The following PIP5K1C variants were observed in gnomAD, a reference collection of about 807,000 sequenced individuals.
The protein encoded by PIP5K1C is phosphatidylinositol 4-phosphate 5-kinase type-1 gamma.
A neutral mutation model predicts 80.1 loss-of-function variants in PIP5K1C; 45 were observed. The observed-to-expected ratio is 0.56, with a 90% CI of 0.44 to 0.72. The LOEUF (loss-of-function observed/expected upper bound fraction) is 0.72. Among genes scored for constraint, PIP5K1C ranks in the 30% least tolerant of loss-of-function variants. PIP5K1C has a pLI of 0.00. For missense variants in PIP5K1C, 753 were observed against 954.6 expected, an observed-to-expected ratio of 0.79 and a Z score of 2.78; for synonymous variants, 498 against 420.1, an observed-to-expected ratio of 1.19 and a Z score of -2.27.
At chr19:3,660,885 A>G (rs1181955276) in intron 5 of PIP5K1C, 81 bp downstream of exon 5, 4 of 1,162,956 alleles carry the variant, frequency 3.4e-6, no homozygotes, top group African/African-American at 1.5e-5. Flanking sequence ...GCTGCCCCCA[A>G]ATGCCTGACC....
At chr19:3,640,322 T>C (rs921939151) in intron 15 of PIP5K1C, among the ~76,000 whole-genome samples, 1 of 152,268 alleles carries the variant, frequency 6.6e-6, no homozygotes, top group African/African-American at 2.4e-5. Flanking sequence ...GAGACCAGCC[T>C]GGTCAACATG....
In PIP5K1C at chr19:3,643,231, T is replaced by C; in HGVS notation, c.1649+12A>G. The C allele has an allele frequency of 1.2e-6, 2 of 1,612,906 alleles. No homozygotes were observed. The highest frequency in any genetic ancestry group is 1.7e-6 in the Non-Finnish European group (2 of 1,179,784). On this transcript the variant is annotated intron_variant, in intron 13 of 17. Transcript: ENST00000335312. ...ATGCCCCGCCCACATGCACTGCGGATGCCTCGCCCACCTGTACCGCGGCTG... is the reference window on the plus strand; with the variant it reads ...ATGCCCCGCCCACATGCACTGCGGACGCCTCGCCCACCTGTACCGCGGCTG...
At position 3,638,905 on chromosome 19, in the gene PIP5K1C, C is replaced by T. The variant is rs780522460; in HGVS notation, c.1899G>A (p.Ala633=). ...TTACAAAGTAGATGTCGGTGGCGGGCGCGTCCTCCTCGTCCGAGGCCTGGC... is the reference window on the plus strand; with the variant it reads ...TTACAAAGTAGATGTCGGTGGCGGGTGCGTCCTCCTCGTCCGAGGCCTGGC... The part of the protein sequence containing the change: ...PASQASDEED[A]PATDIYFPTD... The change falls in exon 16 of 18, where the codon GCG becomes GCA. Residue 633 remains alanine, a synonymous_variant. Coordinates refer to ENST00000335312, the MANE Select transcript of PIP5K1C (RefSeq NM_012398.3). The T allele has an allele frequency of 1.4e-5, 23 of 1,612,694 alleles. No individual in the cohort carries two copies. The highest frequency in any genetic ancestry group is 4.0e-5 in the African/African-American group (3 of 74,854).
chr19:3,644,764 G>A (rs1313585005), intron 11 of PIP5K1C, among the ~76,000 whole-genome samples: 1 of 152,200 alleles, frequency 6.6e-6, no homozygotes, highest in Admixed American at 6.5e-5. Context: ...CCTTAGCGGT[G>A]GGGTGAGGTG....
rs189300269 is a variant in PIP5K1C at position 3,657,510 on chromosome 19, C to T, written c.469-953G>A. Among the ~76,000 whole-genome samples the T allele has an allele frequency of 1.3e-3, 192 of 152,292 alleles. 1 individual carries two copies. The highest frequency in any genetic ancestry group is 4.4e-3 in the African/African-American group (183 of 41,544). The stretch of plus-strand genomic sequence containing the variant: ...AGCAAGCCAGGCCCCCCAGGGTCAA[C>T]GCTGGGTCCGTATCTGCTGGACGAC... On this transcript the variant is annotated intron_variant, in intron 5 of 17. Transcript: ENST00000335312.
intron 1 of PIP5K1C, among the ~76,000 whole-genome samples, chr19:3,679,827 T>C (rs965934158): frequency 1.3e-5 from 2 of 152,236 alleles, no homozygotes; most frequent in African/African-American, 2.4e-5. Flanking sequence ...CTTGACGTGC[T>C]GCGCTGGGCA....
At chr19:3,638,663 T>C (rs2033810868) in intron 16 of PIP5K1C, among the ~76,000 whole-genome samples, 1 of 151,982 alleles carries the variant, frequency 6.6e-6, no homozygotes, top group Non-Finnish European at 1.5e-5. Flanking sequence ...TCCCACCCCA[T>C]GGGGTTAGAC....
chr19:3,647,088 G>A (rs1438167081), intron 10 of PIP5K1C, among the ~76,000 whole-genome samples: 15 of 97,254 alleles, frequency 1.5e-4, no homozygotes, highest in Admixed American at 4.3e-4. Flanking sequence ...GGGTGCAGGC[G>A]CTCACAGAGG....
chr19:3,675,804 G>C (rs966481596), intron 1 of PIP5K1C, among the ~76,000 whole-genome samples: 4 of 152,138 alleles, frequency 2.6e-5, no homozygotes, highest in Admixed American at 2.6e-4. Flanking sequence ...GCAGGGTGCC[G>C]AGCAGCATCC....
At chr19:3,643,009 C>A in intron 13 of PIP5K1C, 70 bp from the exon 14 acceptor site, 2 of 1,571,266 alleles carry the variant, frequency 1.3e-6, no homozygotes, top group African/African-American at 1.3e-5. Context: ...ACCTGCCTTG[C>A]CTACCCGCCT....
chr19:3,673,630 C>T (rs1378076301), intron 1 of PIP5K1C: 1 of 152,274 alleles, frequency 6.6e-6, no homozygotes, highest in African/African-American at 2.4e-5. Context: ...GAGGACGGCC[C>T]AGGCACGGGG....
At chr19:3,665,037 G>C in intron 2 of PIP5K1C, 123 bp from the exon 3 acceptor site, 1 of 821,190 alleles carries the variant, frequency 1.2e-6, no homozygotes, top group African/African-American at 1.7e-5. Flanking sequence ...ACAGGGCAGG[G>C]GGCAGGTCCA....
In PIP5K1C at chr19:3,630,999, G is replaced by A. The variant is rs1017939932; in HGVS notation, c.*2168C>T. 1 of 152,308 alleles carries A rather than the reference G, an allele frequency of 6.6e-6. No individual in the cohort carries two copies. The highest frequency in any genetic ancestry group is 1.5e-5 in the Non-Finnish European group (1 of 68,098). 9.4% of individuals were successfully genotyped at this position (152,308 alleles called of 1,614,324 possible). ...CCTCGGTTTACAGTTCTCTGAAAAGGAACCAAAAAACACAACCAACACCAA... is the reference window on the plus strand; with the variant it reads ...CCTCGGTTTACAGTTCTCTGAAAAGAAACCAAAAAACACAACCAACACCAA... On this transcript the variant is annotated 3_prime_UTR_variant, in exon 18 of 18. Coordinates refer to ENST00000335312, the MANE Select transcript of PIP5K1C (RefSeq NM_012398.3).
intron 1 of PIP5K1C, among the ~76,000 whole-genome samples, chr19:3,672,413 C>T (rs979332397): frequency 1.3e-5 from 2 of 152,234 alleles, no homozygotes; most frequent in African/African-American, 2.4e-5. Flanking sequence ...TCCCTCAGGA[C>T]GGGGCCTGCC....
At chr19:3,677,784 G>GGGAC (rs2035413625) in intron 1 of PIP5K1C, among the ~76,000 whole-genome samples, 1 of 85,996 alleles carries the variant, frequency 1.2e-5, no homozygotes, top group Non-Finnish European at 2.4e-5. Flanking sequence ...GAGGGATGGA[G>GGGAC]GGAGGGATGC....
At chr19:3,645,892 C>G in intron 11 of PIP5K1C, 82 bp downstream of exon 11, 1 of 1,080,174 alleles carries the variant, frequency 9.3e-7, no homozygotes, top group Non-Finnish European at 1.4e-6. Flanking sequence ...GGCTCTCGGC[C>G]TCCCGCAGAG....
chr19:3,669,962 G>C (rs1393371644), intron 1 of PIP5K1C: 7 of 151,524 alleles, frequency 4.6e-5, no homozygotes, highest in Admixed American at 4.6e-4. Flanking sequence ...CAGGAGCCTC[G>C]GGGCAGGGGC....
In PIP5K1C at chr19:3,637,309, A is replaced by G. The variant is rs2033728148; in HGVS notation, c.1920+1575T>C. On this transcript the variant is annotated intron_variant, in intron 16 of 17. Transcript: ENST00000335312. The surrounding 1 kb of genome is among the most constrained non-coding windows in gnomAD (Gnocchi z 7.0). ...ACCTGGTGATGGTGCTGCCCTATGGAGCGCCCGGTTCGACGTGGGACCGAA... is the reference window on the plus strand; with the variant it reads ...ACCTGGTGATGGTGCTGCCCTATGGGGCGCCCGGTTCGACGTGGGACCGAA... 2 of 1,516,868 alleles carry G rather than the reference A, an allele frequency of 1.3e-6. No homozygotes were observed. The highest frequency in any genetic ancestry group is 8.8e-7 in the Non-Finnish European group (1 of 1,137,002). 94.0% of individuals were successfully genotyped at this position (1,516,868 alleles called of 1,614,324 possible).
intron 1 of PIP5K1C, among the ~76,000 whole-genome samples, chr19:3,698,944 C>A (rs2036208819): frequency 6.7e-6 from 1 of 148,318 alleles, no homozygotes; most frequent in Non-Finnish European, 1.5e-5. Flanking sequence ...CCCACCCCCA[C>A]CCCCCCACTC....
Sources: allele counts gnomAD v4.1 joint callset (sites outside exome capture counted in the v4.1 genomes callset), GRCh38; gene constraint gnomAD v4.1.1; non-coding constraint Gnocchi (gnomAD v3.1); transcripts MANE v1.5; gene names NCBI Gene and HGNC (gene_info 2026-07-23, HGNC 2026-07-21).